The following PPP2R3A variants were observed in gnomAD, a reference collection of about 807,000 sequenced individuals.
The protein encoded by PPP2R3A is protein phosphatase 2 regulatory subunit B''alpha.
A neutral mutation model predicts 106.9 loss-of-function variants in PPP2R3A; 80 were observed. The ratio of observed to expected loss-of-function variants is 0.75; its 90% CI spans 0.62 to 0.90. The LOEUF is 0.90. Ranked by LOEUF, PPP2R3A falls within the 40% of genes least tolerant of loss-of-function variation. PPP2R3A has a pLI of 0.00. For missense variants in PPP2R3A, 1,386 were observed against 1,350.4 expected, an observed-to-expected ratio of 1.03 and a Z score of -0.41; for synonymous variants, 483 against 468.3, an observed-to-expected ratio of 1.03 and a Z score of -0.41.
chr3:136,117,904 C>A (rs1937838888), intron 13 of PPP2R3A, among the ~76,000 whole-genome samples: 1 of 152,150 alleles, frequency 6.6e-6, no homozygotes, highest in South Asian at 2.1e-4. Flanking sequence ...GATACCAAAG[C>A]CTGCCAGAGA....
intron 13 of PPP2R3A, among the ~76,000 whole-genome samples, chr3:136,112,846 T>A (rs116785022): frequency 0.023 from 3,474 of 152,184 alleles, 140 homozygotes; most frequent in African/African-American, 0.078. Flanking sequence ...ACAAAATTCA[T>A]ATGAAGCTGG....
chr3:136,112,541 G>A (rs533863417), intron 13 of PPP2R3A, among the ~76,000 whole-genome samples: 1 of 152,172 alleles, frequency 6.6e-6, no homozygotes, highest in Admixed American at 6.5e-5. Flanking sequence ...ATTTGCAATA[G>A]CCACAAAAAG....
At chr3:136,127,658 G>A (rs987769770) in intron 13 of PPP2R3A, among the ~76,000 whole-genome samples, 1 of 152,272 alleles carries the variant, frequency 6.6e-6, no homozygotes, top group African/African-American at 2.4e-5. Context: ...AGGAAATACA[G>A]AGAACACCAC....
intron 12 of PPP2R3A, 144 bp downstream of exon 12, chr3:136,103,520 A>G (rs1937434716): frequency 1.6e-6 from 1 of 615,158 alleles, no homozygotes; most frequent in East Asian, 2.9e-5. Flanking sequence ...AAGAGACAAT[A>G]AAGGACCTCT....
intron 1 of PPP2R3A, among the ~76,000 whole-genome samples, chr3:135,989,397 C>T (rs1298342997): frequency 6.6e-6 from 1 of 152,100 alleles, no homozygotes; most frequent in African/African-American, 2.4e-5. Flanking sequence ...CCTGGCAGTC[C>T]ACCCGCTGTT....
intron 3 of PPP2R3A, among the ~76,000 whole-genome samples, chr3:136,034,835 CTTG>C (rs570682672): frequency 1.1e-3 from 169 of 152,236 alleles, no homozygotes; most frequent in African/African-American, 3.4e-3. Context: ...GTCCCCCACT[CTTG>C]TTGTGTTAAA....
chr3:136,002,258 A>C lies in PPP2R3A; in HGVS notation c.760A>C (p.Ile254Leu). 6.2e-7 allele frequency: 1 copy of C among 1,613,952 alleles called. No individual in the cohort carries two copies. Among genetic ancestry groups the C allele is most frequent in the Non-Finnish European group, 8.5e-7 (1 of 1,179,952 alleles). Residue 254 changes from isoleucine to leucine, a missense_variant, in exon 2 of 14, where the codon ATA (isoleucine) becomes CTA (leucine). Coordinates refer to ENST00000264977, the MANE Select transcript of PPP2R3A (RefSeq NM_002718.5). ...ATGCACAGACATCATAAAACAATGC[A>C]TAAAGAAAAAATCAGGGAGTAGCAT... The part of the protein sequence containing the change: ...KKCTDIIKQC[I>L]KKKSGSSISE...
At chr3:136,117,598 C>T (rs1284022960) in intron 13 of PPP2R3A, among the ~76,000 whole-genome samples, 1 of 152,166 alleles carries the variant, frequency 6.6e-6, no homozygotes, top group East Asian at 1.9e-4. Flanking sequence ...ATAGTATAAA[C>T]ACCTCTATGC....
intron 10 of PPP2R3A, among the ~76,000 whole-genome samples, chr3:136,100,604 G>A (rs1328965526): frequency 1.3e-5 from 2 of 151,936 alleles, no homozygotes; most frequent in Admixed American, 6.6e-5. Flanking sequence ...ACTTGAACCC[G>A]GGAGGCAGAG....
chr3:136,121,085 A>G (rs149040392), intron 13 of PPP2R3A, among the ~76,000 whole-genome samples: 57 of 152,302 alleles, frequency 3.7e-4, no homozygotes, highest in African/African-American at 1.3e-3. Context: ...TGCTGGGTAT[A>G]TATACCCAAA....
At chr3:136,004,273 A>G (rs899466427) in intron 2 of PPP2R3A, among the ~76,000 whole-genome samples, 1 of 152,224 alleles carries the variant, frequency 6.6e-6, no homozygotes, top group African/African-American at 2.4e-5. Flanking sequence ...TAGCACAACA[A>G]GATTATTCCT....
intron 12 of PPP2R3A, among the ~76,000 whole-genome samples, chr3:136,104,392 C>T (rs978417795): frequency 1.1e-4 from 16 of 151,240 alleles, no homozygotes; most frequent in African/African-American, 3.4e-4. Flanking sequence ...CCGCAACCTC[C>T]GCCTCCCGGG....
chr3:136,092,765 G>C (rs576056134), intron 10 of PPP2R3A, among the ~76,000 whole-genome samples: 7 of 152,228 alleles, frequency 4.6e-5, no homozygotes, highest in Admixed American at 3.3e-4. Context: ...ATGCCAGGAC[G>C]ATCCAATGGG....
chr3:136,136,072 A>AT lies in PPP2R3A; in HGVS notation c.3330-8971_3330-8970insT, dbSNP rs1292454997. ...AAAAAAAAAAAAAAAAAAAAAAAAA[A>AT]ATTATATATATATATATATATAAAA... On this transcript the variant is annotated intron_variant, in intron 13 of 13. Coordinates refer to ENST00000264977, the MANE Select transcript of PPP2R3A (RefSeq NM_002718.5). Among the ~76,000 whole-genome samples the AT allele has an allele frequency of 1.3e-3, 37 of 27,658 alleles. 2 individuals carry two copies. The East Asian group carries it at 0.019, about 14-fold the overall frequency. 18.1% of individuals were successfully genotyped at this position (27,658 alleles called of 152,430 possible).
intron 5 of PPP2R3A, among the ~76,000 whole-genome samples, chr3:136,068,034 G>A (rs1383047420): frequency 6.6e-6 from 1 of 152,188 alleles, no homozygotes; most frequent in Non-Finnish European, 1.5e-5. Flanking sequence ...AGACCAGCCA[G>A]GGCAACATGG....
chr3:136,142,518 A>G (rs986405957), intron 13 of PPP2R3A, among the ~76,000 whole-genome samples: 7 of 152,266 alleles, frequency 4.6e-5, no homozygotes, highest in African/African-American at 1.2e-4. Flanking sequence ...CCCTCCCCCA[A>G]TATAGGATTA....
intron 1 of PPP2R3A, among the ~76,000 whole-genome samples, chr3:135,988,089 A>G (rs1172979329): frequency 6.6e-6 from 1 of 152,024 alleles, no homozygotes; most frequent in Non-Finnish European, 1.5e-5. Context: ...ATGTACCTGA[A>G]TGTCTTAATA....
At position 135,967,707 on chromosome 3, in the gene PPP2R3A, G is replaced by A. The variant is rs945249746; in HGVS notation, c.-441+1858G>A. Among the ~76,000 whole-genome samples, 104 of 152,160 alleles carry A rather than the reference G, an allele frequency of 6.8e-4. 2 individuals carry two copies. The highest frequency in any genetic ancestry group is 1.6e-4 in the Non-Finnish European group (11 of 68,010). ...GCTGAAGCTTCACCTCTGCCCTGAA[G>A]CTTTGCTTGACACCCCCCATCCCCC... On this transcript the variant is annotated intron_variant, in intron 1 of 13. Transcript: ENST00000264977.
chr3:135,996,894 A>AAG (rs1451035059), intron 1 of PPP2R3A, among the ~76,000 whole-genome samples: 4 of 152,204 alleles, frequency 2.6e-5, no homozygotes, highest in African/African-American at 9.7e-5. Flanking sequence ...ACTGAGAAAA[A>AAG]TTGAACCTGT....
Sources: gnomAD v4.1 joint callset for allele counts (sites outside exome capture counted in the v4.1 genomes callset) on GRCh38, gnomAD v4.1.1 for gene constraint, MANE v1.5 for transcripts, NCBI Gene and HGNC (gene_info 2026-07-23, HGNC 2026-07-21) for gene names.